ACACB: variants seen among roughly 807,000 people sequenced by gnomAD.
ACACB encodes the protein acetyl-CoA carboxylase 2.
ACACB carries 209 observed loss-of-function variants against 278.8 expected under a neutral mutation model. That is an observed-to-expected ratio of 0.75 (90% CI 0.67 to 0.84). ACACB has a LOEUF of 0.84. ACACB is among the 40% of genes least tolerant of loss of function. The pLI is 0.00. For missense variants in ACACB, 2,850 were observed against 3,269.0 expected, an observed-to-expected ratio of 0.87 and a Z score of 3.13; for synonymous variants, 1,174 against 1,285.6, an observed-to-expected ratio of 0.91 and a Z score of 1.86.
At chr12:109,124,511 G>A (rs1178541798) in intron 1 of ACACB, among the ~76,000 whole-genome samples, 2 of 152,192 alleles carry the variant, frequency 1.3e-5, no homozygotes, top group Non-Finnish European at 2.9e-5. Flanking sequence ...CACTTTTAGT[G>A]ATTTTTGTTC....
chr12:109,166,678 C>CAAAAAAA (rs1491297525), intron 2 of ACACB, among the ~76,000 whole-genome samples, 183 bp from the exon 3 acceptor site: 5 of 68,186 alleles, frequency 7.3e-5, no homozygotes, highest in African/African-American at 2.8e-4. Flanking sequence ...AAAAAAAAAA[C>CAAAAAAA]CGAAGGTGCT....
intron 37 of ACACB, 32 bp downstream of exon 37, chr12:109,242,624 T>C (rs1593681964): frequency 1.9e-6 from 3 of 1,611,528 alleles, no homozygotes; most frequent in Non-Finnish European, 2.5e-6. Context: ...CGGTACCCCC[T>C]GGGTCCTCCC....
chr12:109,187,739 C>T (rs1488334233), intron 12 of ACACB, among the ~76,000 whole-genome samples: 1 of 151,980 alleles, frequency 6.6e-6, no homozygotes, highest in Non-Finnish European at 1.5e-5. Flanking sequence ...GGATTACAGA[C>T]ATGAGCCACT....
chr12:109,240,948 G>A, intron 35 of ACACB, 130 bp from the exon 36 acceptor site: 1 of 791,166 alleles, frequency 1.3e-6, no homozygotes, highest in Non-Finnish European at 2.0e-6. Context: ...AATACTTTTT[G>A]TTGGATACAC....
At chr12:109,230,590 T>C (rs926442284) in intron 28 of ACACB, among the ~76,000 whole-genome samples, 1 of 152,238 alleles carries the variant, frequency 6.6e-6, no homozygotes, top group Non-Finnish European at 1.5e-5. Flanking sequence ...ACCTGGCTAA[T>C]TCTTTAAAAA....
intron 37 of ACACB, among the ~76,000 whole-genome samples, chr12:109,242,835 G>A (rs1051034330): frequency 2.4e-4 from 36 of 152,242 alleles, no homozygotes; most frequent in African/African-American, 5.8e-4. Flanking sequence ...GCGTGGTGGC[G>A]CATGCCTGTA....
At chr12:109,166,718 T>C in intron 2 of ACACB, 143 bp from the exon 3 acceptor site, 1 of 754,010 alleles carries the variant, frequency 1.3e-6, no homozygotes, top group Non-Finnish European at 2.0e-6. Flanking sequence ...TGTAAATTGC[T>C]TCAGGGGCTC....
chr12:109,216,397 T>C (rs1021580131), intron 22 of ACACB, among the ~76,000 whole-genome samples: 7 of 151,704 alleles, frequency 4.6e-5, no homozygotes, highest in African/African-American at 1.5e-4. Context: ...AGTTTTTGTA[T>C]TTTTAGTAGA....
chr12:109,166,685 T>C (rs1378368743), intron 2 of ACACB, among the ~76,000 whole-genome samples, 176 bp from the exon 3 acceptor site: 2 of 73,474 alleles, frequency 2.7e-5, no homozygotes, highest in African/African-American at 4.2e-5. Flanking sequence ...AAACCGAAGG[T>C]GCTTCCTGCC....
In ACACB at chr12:109,180,076, G is replaced by T. The variant is rs375366307; in HGVS notation, c.1807G>T (p.Ala603Ser). Residue 603 changes from alanine (A) to serine (S), a missense_variant, in exon 11 of 53, where the codon GCC (alanine) becomes TCC (serine). Ala to Ser is a moderately conservative substitution (Grantham distance 99). Around this residue, in one of 3 missense-constraint regions of ACACB, gnomAD observed 2,265 missense variants for 2,561.3 expected, o/e 0.88. Coordinates refer to ENST00000338432, the MANE Select transcript of ACACB (RefSeq NM_001093.4). Reference sequence around the variant, plus strand: ...GATTGCTGATGTTAATCTGCCGGCCGCCCAGCTACAGGTGAGAAAATGGGC... The same window carrying T: ...GATTGCTGATGTTAATCTGCCGGCCTCCCAGCTACAGGTGAGAAAATGGGC... The part of the protein sequence containing the change: ...EMIADVNLPA[A>S]QLQIAMGVPL... 2 of 1,610,810 alleles carry T rather than the reference G, an allele frequency of 1.2e-6. No homozygotes were observed. Among genetic ancestry groups the T allele is most frequent in the African/African-American group, 1.3e-5 (1 of 74,974 alleles).
chr12:109,164,241 CT>C (rs1325471212), intron 2 of ACACB, among the ~76,000 whole-genome samples: 6 of 151,782 alleles, frequency 4.0e-5, no homozygotes, highest in Non-Finnish European at 4.4e-5. Flanking sequence ...CCTGAAATTT[CT>C]TTTTGTTTGA....
In ACACB at chr12:109,188,225, C is replaced by T; in HGVS notation, c.2144+63C>T. ...TCCTTCCTTCCTTCCTTCCTTCCTTCCTTCCTTCCCTCTCTCCCTTCTTCC... is the reference window on the plus strand; with the variant it reads ...TCCTTCCTTCCTTCCTTCCTTCCTTTCTTCCTTCCCTCTCTCCCTTCTTCC... On this transcript the variant is annotated intron_variant, in intron 13 of 52. Coordinates refer to ENST00000338432, the MANE Select transcript of ACACB (RefSeq NM_001093.4). 12 of 1,436,370 alleles carry T rather than the reference C, an allele frequency of 8.4e-6. No individual in the cohort carries two copies. In the South Asian group the frequency reaches 9.1e-5, roughly 11 times the overall value. 89.0% of individuals were successfully genotyped at this position (1,436,370 alleles called of 1,614,324 possible). A position where few individuals can be genotyped will look rare whatever the true frequency, so the allele number is the denominator to read the frequency against.
intron 1 of ACACB, among the ~76,000 whole-genome samples, chr12:109,119,851 C>T (rs530434237): frequency 4.6e-5 from 7 of 151,660 alleles, no homozygotes; most frequent in African/African-American, 1.5e-4. Context: ...GCTGAGATCG[C>T]GCCACTGCAC....
rs200038260 is a variant in ACACB at position 109,201,519 on chromosome 12, G to A, written c.2779-48G>A. On this transcript the variant is annotated intron_variant, in intron 18 of 52. Transcript: ENST00000338432. ...CATCACTAGTTCTGGGTGGCTCTGG[G>A]TGTCAATCCCGGTGGGCTCTGTACT... 5 of 1,604,592 alleles carry A rather than the reference G, an allele frequency of 3.1e-6. No individual in the cohort carries two copies. In the African/African-American group the frequency reaches 4.0e-5, roughly 13 times the overall value.
rs559599977 is a variant in ACACB at position 109,214,076 on chromosome 12, G to A, written c.3350+1140G>A. 3.3e-5 allele frequency among the ~76,000 whole-genome samples: 5 copies of A among 149,756 alleles called. No homozygotes were observed. The South Asian group carries it at 8.5e-4, about 25-fold the overall frequency. On this transcript the variant is annotated intron_variant, in intron 22 of 52. Coordinates refer to ENST00000338432, the MANE Select transcript of ACACB (RefSeq NM_001093.4). ...TGGAGACCAGCCTGGGTGATGTAGCGAGACCCTGTCTCTACAAAAAAAAAA... is the reference window on the plus strand; with the variant it reads ...TGGAGACCAGCCTGGGTGATGTAGCAAGACCCTGTCTCTACAAAAAAAAAA...
chr12:109,193,346 T>G (rs533315140), intron 15 of ACACB, among the ~76,000 whole-genome samples: 52 of 151,864 alleles, frequency 3.4e-4, no homozygotes, highest in African/African-American at 1.0e-3. Context: ...GCCTCCCGAG[T>G]AGCTGGGATG....
intron 1 of ACACB, among the ~76,000 whole-genome samples, chr12:109,120,155 A>C (rs951719634): frequency 6.6e-6 from 1 of 152,172 alleles, no homozygotes; most frequent in Admixed American, 6.5e-5. Flanking sequence ...TTTTATTTCC[A>C]TACTCCCCAC....
chr12:109,234,535 T>A (rs1021436720), intron 31 of ACACB, among the ~76,000 whole-genome samples: 11 of 152,190 alleles, frequency 7.2e-5, no homozygotes, highest in South Asian at 2.1e-4. Context: ...TGATATTTTT[T>A]AATTATCTTT....
upstream of ACACB, among the ~76,000 whole-genome samples, chr12:109,111,746 CT>C (rs2042297771): frequency 6.6e-6 from 1 of 151,984 alleles, no homozygotes; most frequent in Non-Finnish European, 1.5e-5. Context: ...AGTAGAGAAA[CT>C]TTTAACTAAA....
Sources: allele counts gnomAD v4.1 joint callset (sites outside exome capture counted in the v4.1 genomes callset), GRCh38; gene constraint gnomAD v4.1.1; regional missense constraint gnomAD v4.1.1; transcripts MANE v1.5; gene names NCBI Gene and HGNC (gene_info 2026-07-23, HGNC 2026-07-21).